The following TRPV5 variants were observed in gnomAD, a reference collection of about 807,000 sequenced individuals.
TRPV5 encodes the protein calcium transport protein 2.
In TRPV5, 66 loss-of-function variants were observed where a neutral mutation model predicts 74.1. The observed-to-expected ratio is 0.89, with a 90% CI of 0.73 to 1.09. The LOEUF is 1.09. Among genes scored for constraint, TRPV5 ranks in the 50% least tolerant of loss-of-function variants. The pLI, the probability that TRPV5 is intolerant of heterozygous loss-of-function variation, is 0.00. For synonymous variants in TRPV5, 399 were observed against 360.7 expected, an observed-to-expected ratio of 1.11 and a Z score of -1.20; for missense variants, 936 against 930.4, an observed-to-expected ratio of 1.01 and a Z score of -0.08.
chr7:142,924,341 T>TATATAGACATATACATGTATATATATAC (rs1795941975), intron 8 of TRPV5, among the ~76,000 whole-genome samples: 1 of 12,784 alleles, frequency 7.8e-5, no homozygotes, highest in African/African-American at 1.7e-4. Context: ...TATATACATA[T>TATATAGACATATACATGTATATATATAC]ATATATATAT....
At chr7:142,929,786 T>G (rs1299308702) in intron 3 of TRPV5, among the ~76,000 whole-genome samples, 1 of 152,180 alleles carries the variant, frequency 6.6e-6, no homozygotes, top group African/African-American at 2.4e-5. Flanking sequence ...GGGATTGCTA[T>G]GAATATAATC....
In TRPV5 at chr7:142,915,366, C is replaced by T. The variant is rs375589754; in HGVS notation, c.1227G>A (p.Arg409=). Residue 409 remains arginine, a synonymous_variant, in exon 10 of 15, where the codon AGG becomes AGA. Transcript: ENST00000265310. Reference sequence around the variant, plus strand: ...TTCCAAAATAGCGAGAGGCACCAACCCTGAAGATGTCTGGAATCTGGGGAG... The same window carrying T: ...TTCCAAAATAGCGAGAGGCACCAACTCTGAAGATGTCTGGAATCTGGGGAG... ...ILLLEIPDIF[R]VGASRYFGKT... 2 of 1,608,128 alleles carry T rather than the reference C, an allele frequency of 1.2e-6. No homozygotes were observed. The highest frequency in any genetic ancestry group is 2.2e-5 in the South Asian group (2 of 90,216).
intron 8 of TRPV5, 107 bp downstream of exon 8, chr7:142,925,422 C>A: frequency 8.3e-7 from 1 of 1,206,640 alleles, no homozygotes; most frequent in Non-Finnish European, 1.2e-6. Context: ...GGAGCCTACA[C>A]CTGCTGGAAC....
intron 7 of TRPV5, among the ~76,000 whole-genome samples, chr7:142,926,744 C>T (rs761714468): frequency 1.3e-5 from 2 of 151,926 alleles, no homozygotes; most frequent in Admixed American, 6.6e-5. Flanking sequence ...AAATCAAAGA[C>T]CAAGGATATG....
chr7:142,929,705 G>T, intron 3 of TRPV5, 140 bp from the exon 4 acceptor site: 1 of 1,341,756 alleles, frequency 7.5e-7, no homozygotes, highest in Non-Finnish European at 1.0e-6. Flanking sequence ...GGGTGGCCTG[G>T]GACTAAGAGC....
At chr7:142,924,570 C>T (rs1369758309) in intron 8 of TRPV5, among the ~76,000 whole-genome samples, 1 of 151,592 alleles carries the variant, frequency 6.6e-6, no homozygotes, top group African/African-American at 2.4e-5. Flanking sequence ...TATTCTCTTT[C>T]CGACTGAAAC....
chr7:142,914,729 AG>A, intron 11 of TRPV5, 23 bp from the exon 12 acceptor site: 1 of 1,612,686 alleles, frequency 6.2e-7, no homozygotes, highest in Non-Finnish European at 8.5e-7. Flanking sequence ...GAAGGAAGAA[AG>A]GGTGGGATGA....
Position 142,928,191 on chromosome 7 carries a change from G to C in TRPV5, c.806C>G (p.Thr269Arg), listed in dbSNP as rs141909216. The C allele has an allele frequency of 1.9e-6, 3 of 1,614,056 alleles. No individual in the cohort carries two copies. Among genetic ancestry groups the C allele is most frequent in the Non-Finnish European group, 2.5e-6 (3 of 1,179,940 alleles). The stretch of plus-strand genomic sequence containing the variant: ...GAGAATGGAGGTCAGGGGTCCATAC[G>C]TCCACTGGATGTGCCTCCGCTTCTG... ...LMQKRRHIQW[T>R]YGPLTSILYD... The change falls in exon 7 of 15, where the codon ACG becomes AGG. Residue 269 changes from threonine to arginine, a missense_variant. Transcript: ENST00000265310.
chr7:142,908,377 C>T lies in TRPV5; in HGVS notation c.*137G>A. 1.1e-6 allele frequency: 1 copy of T among 921,962 alleles called. No homozygotes were observed. The highest frequency in any genetic ancestry group is 1.6e-6 in the Non-Finnish European group (1 of 607,352). 57.1% of individuals were successfully genotyped at this position (921,962 alleles called of 1,614,324 possible). On this transcript the variant is annotated 3_prime_UTR_variant, in exon 15 of 15. Coordinates refer to ENST00000265310, the MANE Select transcript of TRPV5 (RefSeq NM_019841.7). ...TCTGATGTGAAGTGTGAGGCATGAC[C>T]CTTTAGGGATTGTTCTGTCTCACCC...
intron 8 of TRPV5, among the ~76,000 whole-genome samples, chr7:142,919,404 G>T (rs980735369): frequency 1.3e-5 from 2 of 152,146 alleles, no homozygotes; most frequent in East Asian, 3.9e-4. Context: ...CCTAAGAGAC[G>T]CAGAAGGGTG....
rs774670477 is a variant in TRPV5, at chr7:142,928,877, C to T, written c.587-11G>A. 2.4e-5 allele frequency: 39 copies of T among 1,613,432 alleles called. No homozygotes were observed. Among genetic ancestry groups the T allele is most frequent in the Middle Eastern group, 1.6e-4 (1 of 6,076 alleles). On this transcript the variant is annotated splice_polypyrimidine_tract_variant and intron_variant, in intron 5 of 14. Transcript: ENST00000265310. ...GTAATACTGTGTTTCCTGGGGAGGACGCAGGGTATCATGTGGCCACTGGCC... is the reference window on the plus strand; with the variant it reads ...GTAATACTGTGTTTCCTGGGGAGGATGCAGGGTATCATGTGGCCACTGGCC...
At chr7:142,913,251 A>G (rs1356025454) in intron 12 of TRPV5, among the ~76,000 whole-genome samples, 2 of 152,164 alleles carry the variant, frequency 1.3e-5, no homozygotes, top group South Asian at 2.1e-4. Context: ...CCCTGAGTGA[A>G]CCTGAACCAA....
At chr7:142,931,232 C>T (rs1167833043) in intron 1 of TRPV5, among the ~76,000 whole-genome samples, 1 of 151,932 alleles carries the variant, frequency 6.6e-6, no homozygotes, top group Non-Finnish European at 1.5e-5. Flanking sequence ...CCATGTTGGC[C>T]AGGCTGATCT....
intron 12 of TRPV5, 123 bp from the exon 13 acceptor site, chr7:142,912,873 T>TATCTATC (rs1795726073): frequency 1.8e-6 from 2 of 1,105,400 alleles, no homozygotes; most frequent in Non-Finnish European, 2.6e-6. Context: ...TCTATCTATC[T>TATCTATC]ATCTATCTAA....
At chr7:142,912,836 T>C in intron 12 of TRPV5, 86 bp from the exon 13 acceptor site, 2 of 931,962 alleles carry the variant, frequency 2.1e-6, no homozygotes, top group Admixed American at 2.6e-5. Context: ...ATTCTATCTC[T>C]GATCTATCTA....
chr7:142,928,544 G>A (rs1796027404), intron 6 of TRPV5, 147 bp downstream of exon 6: 3 of 1,213,678 alleles, frequency 2.5e-6, no homozygotes, highest in South Asian at 1.6e-5. Context: ...GATGGAATAG[G>A]AAGCAAGGGA....
At chr7:142,930,225 C>T (rs1796063385) in intron 2 of TRPV5, 45 bp from the exon 3 acceptor site, 1 of 1,608,068 alleles carries the variant, frequency 6.2e-7, no homozygotes, top group African/African-American at 1.3e-5. Flanking sequence ...TTCAGATTCC[C>T]TTGAGGAAGG....
At chr7:142,929,692 G>T in intron 3 of TRPV5, 127 bp from the exon 4 acceptor site, 1 of 1,427,790 alleles carries the variant, frequency 7.0e-7, no homozygotes, top group Non-Finnish European at 9.4e-7. Flanking sequence ...CCTGGGCTTG[G>T]CAGGGTGGCC....
At position 142,930,055 on chromosome 7, in the gene TRPV5, T is replaced by C. The variant is rs370940200; in HGVS notation, c.349+3A>G. Reference sequence around the variant, plus strand: ...ACCTTGAATTACCATGTAGGCTCCTTACCTGCAAAAGCCTCACATGTGGTG... The same window carrying C: ...ACCTTGAATTACCATGTAGGCTCCTCACCTGCAAAAGCCTCACATGTGGTG... On this transcript the variant is annotated splice_donor_region_variant and intron_variant, in intron 3 of 14. Coordinates refer to ENST00000265310, the MANE Select transcript of TRPV5 (RefSeq NM_019841.7). 36 of 1,613,872 alleles carry C rather than the reference T, an allele frequency of 2.2e-5. No individual in the cohort carries two copies. Among genetic ancestry groups the C allele is most frequent in the Non-Finnish European group, 3.0e-5 (35 of 1,179,974 alleles).
Sources: gnomAD v4.1 joint callset for allele counts (sites outside exome capture counted in the v4.1 genomes callset) on GRCh38, gnomAD v4.1.1 for gene constraint, MANE v1.5 for transcripts, NCBI Gene and HGNC (gene_info 2026-07-23, HGNC 2026-07-21) for gene names.